ZFAT: variants seen among roughly 807,000 people sequenced by gnomAD.
The protein encoded by ZFAT is zinc finger protein ZFAT.
A neutral mutation model predicts 117.7 loss-of-function variants in ZFAT; 64 were observed. That is an observed-to-expected ratio of 0.54 (90% CI 0.44 to 0.67). The LOEUF (loss-of-function observed/expected upper bound fraction) is 0.67, where lower values mean the gene tolerates loss of function less well. Among genes scored for constraint, ZFAT ranks in the 30% least tolerant of loss-of-function variants. ZFAT has a pLI of 0.00. For synonymous variants in ZFAT, 679 were observed against 615.0 expected (o/e 1.10, Z -1.54); for missense variants, 1,433 against 1,584.5 (o/e 0.90, Z 1.62).
intron 1 of ZFAT, 63 bp from the exon 2 acceptor site, chr8:134,657,800 T>A (rs1028266099): frequency 1.3e-6 from 2 of 1,545,634 alleles, no homozygotes; most frequent in Non-Finnish European, 1.8e-6. Flanking sequence ...TTACTTCCAA[T>A]TGCCAAAGAC....
chr8:134,697,956 C>G (rs1156971814), intron 1 of ZFAT, among the ~76,000 whole-genome samples: 2 of 151,750 alleles, frequency 1.3e-5, no homozygotes, highest in Non-Finnish European at 2.9e-5. Context: ...CCTGCTCAGA[C>G]TGCACACACA....
At chr8:134,662,394 G>A (rs1380632964) in intron 1 of ZFAT, among the ~76,000 whole-genome samples, 2 of 152,182 alleles carry the variant, frequency 1.3e-5, no homozygotes, top group East Asian at 3.9e-4. Context: ...TAGGGAGAAG[G>A]TGGAAGAGAA....
At chr8:134,789,517 T>C in the ZFAT span, among the ~76,000 whole-genome samples, 5 of 152,216 alleles carry the variant, frequency 3.3e-5, no homozygotes. Flanking sequence ...CACTCAAAAG[T>C]CTTAATTTTG....
chr8:134,557,826 A>G (rs1823762933), intron 11 of ZFAT, among the ~76,000 whole-genome samples: 1 of 152,242 alleles, frequency 6.6e-6, no homozygotes, highest in Non-Finnish European at 1.5e-5. Context: ...TCACCCTGTT[A>G]CACACAGGTA....
chr8:134,662,559 A>G (rs1831984965), intron 1 of ZFAT, among the ~76,000 whole-genome samples: 1 of 152,172 alleles, frequency 6.6e-6, no homozygotes, highest in Non-Finnish European at 1.5e-5. Context: ...ATATTCAGAA[A>G]GCAGGCACCC....
the ZFAT span, among the ~76,000 whole-genome samples, chr8:134,805,974 C>T: frequency 2.0e-5 from 3 of 151,228 alleles, no homozygotes; most frequent in African/African-American, 7.3e-5. Flanking sequence ...GAGACCCTGT[C>T]TCAAAAAAAA....
chr8:134,507,544 C>G lies in ZFAT; in HGVS notation c.3492+2075G>C, dbSNP rs545002754. Among the ~76,000 whole-genome samples, 4 of 152,316 alleles carry G rather than the reference C, an allele frequency of 2.6e-5. No homozygotes were observed. The East Asian group carries it at 7.7e-4, about 29-fold the overall frequency. On this transcript the variant is annotated intron_variant, in intron 15 of 15. Coordinates refer to ENST00000377838, the MANE Select transcript of ZFAT (RefSeq NM_020863.4). ...CTGTGTTTGCAATAAGAAAGAAGAT[C>G]CTCAGAAGGGCGGCACTGTTTTCTC... is the stretch of plus-strand genomic sequence containing the variant.
At chr8:134,609,023 T>C (rs1461011893) in intron 4 of ZFAT, 144 bp from the exon 5 acceptor site, 8 of 1,033,094 alleles carry the variant, frequency 7.7e-6, no homozygotes, top group African/African-American at 1.7e-5. Context: ...AGCTCGCACA[T>C]TTACATTTTT....
the ZFAT span, among the ~76,000 whole-genome samples, chr8:134,823,028 T>C: frequency 3.4e-4 from 52 of 152,206 alleles, no homozygotes; most frequent in Non-Finnish European, 1.0e-4. Context: ...AAGTACAGGT[T>C]AAGGCTTAAG....
chr8:134,541,985 C>G (rs1428812142), intron 11 of ZFAT, among the ~76,000 whole-genome samples: 1 of 152,298 alleles, frequency 6.6e-6, no homozygotes, highest in South Asian at 2.1e-4. Flanking sequence ...TACATCTTAC[C>G]TCCTCCCTCC....
intron 15 of ZFAT, among the ~76,000 whole-genome samples, chr8:134,484,686 G>A (rs1232029804): frequency 6.6e-6 from 1 of 152,214 alleles, no homozygotes; most frequent in Non-Finnish European, 1.5e-5. Context: ...AAGCCACACA[G>A]CACTTTGGTT....
chr8:134,683,328 CCT>C (rs1456216108), intron 1 of ZFAT, among the ~76,000 whole-genome samples: 1 of 152,134 alleles, frequency 6.6e-6, no homozygotes, highest in East Asian at 1.9e-4. Context: ...CAAATACAGG[CCT>C]GTATGGTTCC....
chr8:134,541,216 T>C (rs1822228414), intron 11 of ZFAT, among the ~76,000 whole-genome samples: 1 of 152,234 alleles, frequency 6.6e-6, no homozygotes, highest in South Asian at 2.1e-4. Context: ...AGTTTGGGCA[T>C]TTAAGACGTG....
intron 1 of ZFAT, among the ~76,000 whole-genome samples, chr8:134,702,073 C>A (rs1019798022): frequency 6.6e-6 from 1 of 152,126 alleles, no homozygotes; most frequent in South Asian, 2.1e-4. Flanking sequence ...CGGCCCCTTG[C>A]CATTGATACC....
At chr8:134,529,904 G>A (rs750128623) in intron 12 of ZFAT, among the ~76,000 whole-genome samples, 1 of 152,166 alleles carries the variant, frequency 6.6e-6, no homozygotes, top group Non-Finnish European at 1.5e-5. Context: ...AAACTCCATG[G>A]AGAATGCCAT....
intron 1 of ZFAT, among the ~76,000 whole-genome samples, chr8:134,675,507 T>C (rs907390507): frequency 6.6e-6 from 1 of 152,020 alleles, no homozygotes; most frequent in African/African-American, 2.4e-5. Flanking sequence ...ATAGAGAGAA[T>C]GGAACCAAGT....
At chr8:134,653,565 G>A (rs760334024) in intron 2 of ZFAT, among the ~76,000 whole-genome samples, 11 of 150,534 alleles carry the variant, frequency 7.3e-5, no homozygotes, top group East Asian at 3.9e-4. Flanking sequence ...ACACACAGCC[G>A]AAAAAGAACA....
chr8:134,671,616 A>T (rs1014608232), intron 1 of ZFAT, among the ~76,000 whole-genome samples: 32 of 152,218 alleles, frequency 2.1e-4, no homozygotes, highest in Non-Finnish European at 3.8e-4. Flanking sequence ...AAATAATAAG[A>T]GCTATTTATG....
rs948868580 is a variant in ZFAT at position 134,560,383 on chromosome 8, G to A, written c.2976+4950C>T. Among the ~76,000 whole-genome samples, 4 of 152,090 alleles carry A rather than the reference G, an allele frequency of 2.6e-5. No homozygotes were observed. The East Asian group carries it at 7.7e-4, about 29-fold the overall frequency. On this transcript the variant is annotated intron_variant, in intron 11 of 15. Transcript: ENST00000377838. ...TTAGTATAGAATGATATATATATAA[G>A]GTTAGCACAAAGAGGTATCCTCTTT...
Sources: allele counts gnomAD v4.1 joint callset (sites outside exome capture counted in the v4.1 genomes callset), GRCh38; gene constraint gnomAD v4.1.1; transcripts MANE v1.5; gene names NCBI Gene and HGNC (gene_info 2026-07-23, HGNC 2026-07-21).